RANBP2: variants seen among roughly 807,000 people sequenced by gnomAD.
RANBP2 encodes the protein RAN binding protein 2, also known as E3 SUMO-protein ligase RanBP2.
RANBP2 carries 57 observed loss-of-function variants against 303.6 expected under a neutral mutation model. The ratio of observed to expected loss-of-function variants is 0.19; its 90% CI spans 0.15 to 0.23. The LOEUF (loss-of-function observed/expected upper bound fraction) is 0.23. RANBP2 is among the 10% of genes least tolerant of loss of function. RANBP2 has a pLI of 1.00. For synonymous variants in RANBP2, 1,167 were observed against 1,301.5 expected, an observed-to-expected ratio of 0.90 and a Z score of 2.23; for missense variants, 3,138 against 3,780.8, an observed-to-expected ratio of 0.83 and a Z score of 4.46.
At chr2:108,898,678 C>T in the RANBP2 span, among the ~76,000 whole-genome samples, 1 of 152,084 alleles carries the variant, frequency 6.6e-6, no homozygotes. Context: ...AAAAGTGCTT[C>T]AACAAGCAAT....
the RANBP2 span, among the ~76,000 whole-genome samples, chr2:109,324,662 G>A: frequency 1.3e-5 from 2 of 152,168 alleles, no homozygotes; most frequent in Non-Finnish European, 2.9e-5. Context: ...CCTTTCTCCT[G>A]GAACTCCTTT....
the RANBP2 span, among the ~76,000 whole-genome samples, chr2:109,523,722 C>T: frequency 2.0e-5 from 3 of 152,200 alleles, no homozygotes; most frequent in Non-Finnish European, 2.9e-5. Context: ...AGCCCCAGCT[C>T]ACCCCTGCAC....
the RANBP2 span, among the ~76,000 whole-genome samples, chr2:109,332,061 A>C: frequency 1.3e-5 from 2 of 152,126 alleles, no homozygotes; most frequent in African/African-American, 4.8e-5. Flanking sequence ...CTAAAGAGAG[A>C]AGACTGCATG....
At chr2:109,155,688 CTG>C in the RANBP2 span, among the ~76,000 whole-genome samples, 7 of 152,212 alleles carry the variant, frequency 4.6e-5, no homozygotes, top group Admixed American at 4.6e-4. Flanking sequence ...AATTGTAACA[CTG>C]TTCCCATGGG....
At chr2:109,443,157 T>C in the RANBP2 span, among the ~76,000 whole-genome samples, 6 of 152,278 alleles carry the variant, frequency 3.9e-5, no homozygotes, top group African/African-American at 9.6e-5. Context: ...TGTACACATA[T>C]CTCACATAAA....
chr2:108,928,060 C>T, the RANBP2 span, among the ~76,000 whole-genome samples: 2 of 152,154 alleles, frequency 1.3e-5, no homozygotes, highest in African/African-American at 4.8e-5. Flanking sequence ...TGACCTGCAT[C>T]AGCTTCGAGC....
chr2:109,564,286 C>A, the RANBP2 span: 1 of 1,245,532 alleles, frequency 8.0e-7, no homozygotes, highest in South Asian at 2.7e-5. Flanking sequence ...AGAACACATG[C>A]CCCATCATCC....
At chr2:109,479,942 A>G in the RANBP2 span, among the ~76,000 whole-genome samples, 1 of 152,198 alleles carries the variant, frequency 6.6e-6, no homozygotes, top group Non-Finnish European at 1.5e-5. Context: ...GGTTTTGCTG[A>G]CAGCCCCTCT....
At chr2:109,352,128 A>G in the RANBP2 span, among the ~76,000 whole-genome samples, 3 of 152,280 alleles carry the variant, frequency 2.0e-5, no homozygotes, top group East Asian at 1.9e-4. Context: ...AATGGAGTTG[A>G]TATTAGGATT....
chr2:109,585,620 T>C, the RANBP2 span: 6 of 883,248 alleles, frequency 6.8e-6, no homozygotes, highest in Non-Finnish European at 1.1e-5. Context: ...GGGATCATGA[T>C]TTCAAATTGA....
the RANBP2 span, among the ~76,000 whole-genome samples, chr2:109,392,156 A>G: frequency 4.6e-5 from 7 of 152,226 alleles, no homozygotes; most frequent in Non-Finnish European, 8.8e-5. Flanking sequence ...TTGAATCTCT[A>G]AAATGTACCC....
chr2:108,729,033 G>A (rs1409556936), intron 1 of RANBP2, 99 bp from the exon 2 acceptor site: 3 of 1,361,296 alleles, frequency 2.2e-6, no homozygotes, highest in East Asian at 4.9e-5. Flanking sequence ...TGAAAGTGGC[G>A]TATTTGAACA....
chr2:108,819,900 C>G, the RANBP2 span, among the ~76,000 whole-genome samples: 7 of 152,118 alleles, frequency 4.6e-5, no homozygotes, highest in East Asian at 1.4e-3. Context: ...AAAACTGTAA[C>G]CGATAATTTA....
chr2:109,552,961 G>A, the RANBP2 span: 8 of 1,075,778 alleles, frequency 7.4e-6, no homozygotes, highest in Admixed American at 2.4e-5. Context: ...CTATGTGTTG[G>A]AAAAGCTACT....
chr2:109,114,481 C>T, the RANBP2 span, among the ~76,000 whole-genome samples: 1 of 151,458 alleles, frequency 6.6e-6, no homozygotes, highest in African/African-American at 2.4e-5. Context: ...TGGTGATATC[C>T]CCTTTATCAT....
chr2:109,537,861 T>C, the RANBP2 span, among the ~76,000 whole-genome samples: 2 of 152,168 alleles, frequency 1.3e-5, no homozygotes, highest in East Asian at 1.9e-4. Flanking sequence ...GGTGAGAGGA[T>C]TGCTTGAGCC....
At chr2:109,130,103 C>T in the RANBP2 span, 4 of 1,333,556 alleles carry the variant, frequency 3.0e-6, no homozygotes, top group Admixed American at 3.9e-5. Flanking sequence ...AGGACCGCGC[C>T]GGCGGCAAAG....
At chr2:109,129,865 C>G in the RANBP2 span, 1 of 1,525,596 alleles carries the variant, frequency 6.6e-7, no homozygotes, top group East Asian at 2.5e-5. Context: ...GGACGAACTG[C>G]CCGCCAACAT....
chr2:109,166,716 C>T, the RANBP2 span, among the ~76,000 whole-genome samples: 1 of 152,216 alleles, frequency 6.6e-6, no homozygotes, highest in African/African-American at 2.4e-5. Context: ...TTTGGAATGT[C>T]TTCTTCCTTT....
Sources: allele counts gnomAD v4.1 joint callset (sites outside exome capture counted in the v4.1 genomes callset), GRCh38; gene constraint gnomAD v4.1.1; transcripts MANE v1.5; gene names NCBI Gene and HGNC (gene_info 2026-07-23, HGNC 2026-07-21).